Variants in RGS3 observed in about 807,000 individuals in gnomAD.
The protein encoded by RGS3 is regulator of G-protein signalling 3.
In RGS3, 80 loss-of-function variants were observed where a neutral mutation model predicts 132.6. The observed-to-expected ratio is 0.60, with a 90% confidence interval of 0.50 to 0.73. The LOEUF (loss-of-function observed/expected upper bound fraction) is 0.73. Ranked by LOEUF, RGS3 falls within the 30% of genes least tolerant of loss-of-function variation. The probability of loss-of-function intolerance (pLI) is 0.00; values close to 1 mark genes in which losing one functional copy is unlikely to be tolerated. For missense variants in RGS3, 1,382 were observed against 1,530.8 expected, an observed-to-expected ratio of 0.90 and a Z score of 1.62; for synonymous variants, 598 against 620.6, an observed-to-expected ratio of 0.96 and a Z score of 0.54.
intron 19 of RGS3, among the ~76,000 whole-genome samples, chr9:113,538,856 T>G (rs1225370107): frequency 6.6e-6 from 1 of 152,202 alleles, no homozygotes; most frequent in Non-Finnish European, 1.5e-5. Context: ...GCCTAAGAAC[T>G]GGGCCTGGAG....
intron 16 of RGS3, among the ~76,000 whole-genome samples, chr9:113,519,510 CAAAAA>C (rs35813905): frequency 1.0e-5 from 1 of 99,610 alleles, no homozygotes; most frequent in Admixed American, 1.2e-4. Flanking sequence ...TTACTCACAC[CAAAAA>C]AAAAAAAAAA....
chr9:113,583,550 G>C, exon 20 of RGS3: 1 of 1,614,170 alleles, frequency 6.2e-7, no homozygotes, highest in South Asian at 1.1e-5. Flanking sequence ...CCCTCTCCTG[G>C]CCAGGAGCTT....
intron 16 of RGS3, among the ~76,000 whole-genome samples, chr9:113,518,191 C>G (rs1831770299): frequency 6.6e-6 from 1 of 152,226 alleles, no homozygotes; most frequent in African/African-American, 2.4e-5. Flanking sequence ...AACCCCAGAG[C>G]TGGTCAGTTC....
chr9:113,530,890 G>A (rs971134482), intron 18 of RGS3, among the ~76,000 whole-genome samples: 1 of 152,188 alleles, frequency 6.6e-6, no homozygotes, highest in Admixed American at 6.5e-5. Flanking sequence ...TTCTTGCTCT[G>A]TAGCCTGGAC....
At chr9:113,492,177 C>CT (rs1399508147) in intron 7 of RGS3, among the ~76,000 whole-genome samples, 1 of 152,160 alleles carries the variant, frequency 6.6e-6, no homozygotes, top group Non-Finnish European at 1.5e-5. Flanking sequence ...AAAAAATAAT[C>CT]TATTTTTTCA....
chr9:113,597,630 C>A (rs1835853694), exon 25 of RGS3: 1 of 152,372 alleles, frequency 6.6e-6, no homozygotes, highest in African/African-American at 2.4e-5. Context: ...ATCTGGCACC[C>A]CCTGGGTGGA....
chr9:113,510,086 C>G (rs185640018), intron 14 of RGS3, among the ~76,000 whole-genome samples: 1 of 151,676 alleles, frequency 6.6e-6, no homozygotes, highest in Non-Finnish European at 1.5e-5. Flanking sequence ...TCTCTCACCC[C>G]CCTCCCATCC....
intron 19 of RGS3, among the ~76,000 whole-genome samples, chr9:113,574,158 C>T (rs938076924): frequency 3.3e-5 from 5 of 152,214 alleles, no homozygotes; most frequent in Non-Finnish European, 7.3e-5. Flanking sequence ...TCATCATTAT[C>T]TGTTTTGAAC....
intron 19 of RGS3, among the ~76,000 whole-genome samples, chr9:113,576,489 G>A (rs1370888899): frequency 4.0e-5 from 6 of 151,710 alleles, no homozygotes; most frequent in African/African-American, 1.2e-4. Context: ...CCACCACCAC[G>A]TCCAGCTAAT....
chr9:113,577,094 C>T (rs536087279), intron 19 of RGS3, among the ~76,000 whole-genome samples: 5 of 152,322 alleles, frequency 3.3e-5, no homozygotes, highest in Non-Finnish European at 2.9e-5. Flanking sequence ...AGCAATTCTC[C>T]TGCCTCAGAC....
At chr9:113,522,808 T>G in intron 16 of RGS3, 122 bp from the exon 15 acceptor site, 4 of 740,492 alleles carry the variant, frequency 5.4e-6, no homozygotes, top group Non-Finnish European at 7.5e-6. Flanking sequence ...TGGTTTTGTG[T>G]GAGATGATGA....
intron 14 of RGS3, 64 bp from the exon 13 acceptor site, chr9:113,514,394 A>T (rs1831550297): frequency 6.9e-7 from 1 of 1,452,204 alleles, no homozygotes; most frequent in Admixed American, 1.8e-5. Flanking sequence ...CCCTGTTTCT[A>T]CAGAGGGGAC....
At chr9:113,485,771 G>A in intron 7 of RGS3, 78 bp downstream of exon 5, 1 of 1,045,434 alleles carries the variant, frequency 9.6e-7, no homozygotes, top group South Asian at 1.4e-5. Flanking sequence ...CATACACCAG[G>A]GGTTCGATTA....
Position 113,506,592 on chromosome 9 carries a change from C to G in RGS3, c.1085+99C>G. On this transcript the variant is annotated intron_variant, in intron 12 of 24. Coordinates refer to ENST00000350696, the Ensembl canonical transcript of RGS3. This position sits in a 1 kb window ranked among gnomAD's most constrained non-coding sequence, Gnocchi z 4.7. ...TGCCTGGCCCAGCTCTTGCTGCTCCCTCTTTTGCCTAGCTGTGAGCAGGCA... is the reference window on the plus strand; with the variant it reads ...TGCCTGGCCCAGCTCTTGCTGCTCCGTCTTTTGCCTAGCTGTGAGCAGGCA... The G allele has an allele frequency of 1.3e-6, 1 of 746,892 alleles. No homozygotes were observed. The highest frequency in any genetic ancestry group is 2.3e-6 in the Non-Finnish European group (1 of 435,944). 46.3% of individuals were successfully genotyped at this position (746,892 alleles called of 1,614,324 possible). A position where few individuals can be genotyped will look rare whatever the true frequency, so the allele number is the denominator to read the frequency against.
At chr9:113,517,665 G>A in intron 16 of RGS3, 41 bp downstream of exon 14, 1 of 1,476,414 alleles carries the variant, frequency 6.8e-7, no homozygotes, top group Non-Finnish European at 9.5e-7. Context: ...CTTTCTGGGT[G>A]GGCTTCATTG....
At chr9:113,562,186 C>A (rs1833818316) in intron 19 of RGS3, among the ~76,000 whole-genome samples, 1 of 152,096 alleles carries the variant, frequency 6.6e-6, no homozygotes, top group South Asian at 2.1e-4. Flanking sequence ...TATTAGAAAT[C>A]ATATCTGAGG....
At chr9:113,574,876 A>G (rs1211435368) in intron 19 of RGS3, among the ~76,000 whole-genome samples, 1 of 152,196 alleles carries the variant, frequency 6.6e-6, no homozygotes, top group African/African-American at 2.4e-5. Flanking sequence ...CTCACAAGGC[A>G]TCAGTCACCA....
chr9:113,595,585 C>T lies in RGS3; in HGVS notation c.3245-14C>T, dbSNP rs777228806. ...TGAGTTTGCCTCTTACCCCAGGATC[C>T]GTTCTCCTCACAGACGGGTTAGCAG... is the stretch of plus-strand genomic sequence containing the variant. On this transcript the variant is annotated splice_polypyrimidine_tract_variant and intron_variant, in intron 23 of 24. Transcript: ENST00000350696. The T allele has an allele frequency of 1.8e-5, 29 of 1,611,898 alleles. No individual in the cohort carries two copies. The highest frequency in any genetic ancestry group is 2.2e-5 in the East Asian group (1 of 44,866).
intron 20 of RGS3, among the ~76,000 whole-genome samples, chr9:113,588,460 C>T (rs1182252964): frequency 6.6e-6 from 1 of 152,150 alleles, no homozygotes; most frequent in Non-Finnish European, 1.5e-5. Flanking sequence ...GAGCCCTGCT[C>T]ACAGACGAGC....
Sources: allele counts gnomAD v4.1 joint callset (sites outside exome capture counted in the v4.1 genomes callset), GRCh38; gene constraint gnomAD v4.1.1; non-coding constraint Gnocchi (gnomAD v3.1); transcripts MANE v1.5; gene names NCBI Gene and HGNC (gene_info 2026-07-23, HGNC 2026-07-21).